The following MYO16 variants were observed in gnomAD, a reference collection of about 807,000 sequenced individuals.
MYO16 encodes the protein unconventional myosin-XVI.
MYO16 carries 94 observed loss-of-function variants against 205.3 expected under a neutral mutation model. The observed-to-expected ratio is 0.46, with a 90% CI of 0.39 to 0.54. The LOEUF is 0.54. Among genes scored for constraint, MYO16 ranks in the 20% least tolerant of loss-of-function variants. The pLI is 0.00. For missense variants in MYO16, 2,315 were observed against 2,387.5 expected, an observed-to-expected ratio of 0.97 and a Z score of 0.63; for synonymous variants, 988 against 954.0, an observed-to-expected ratio of 1.04 and a Z score of -0.66.
In MYO16 at chr13:109,019,868, A is replaced by G. The variant is rs377466914; in HGVS notation, c.2753A>G (p.Lys918Arg). The G allele has an allele frequency of 1.9e-6, 3 of 1,614,060 alleles. No individual in the cohort carries two copies. In the African/African-American group the frequency reaches 4.0e-5, roughly 22 times the overall value. ...GATGGGAATGGGAATGTTGCCCTCA[A>G]AGACCACGGTACAGCCTTCACCATC... ...MKDGNGNVAL[K>R]DHGTAFTIMH... The change falls in exon 23 of 35, where the codon AAA becomes AGA. Residue 918 changes from lysine (K) to arginine (R), a missense_variant. Coordinates refer to ENST00000457511, the MANE Select transcript of MYO16 (RefSeq NM_001198950.3).
At chr13:108,884,403 C>G (rs1879761219) in intron 13 of MYO16, among the ~76,000 whole-genome samples, 1 of 152,176 alleles carries the variant, frequency 6.6e-6, no homozygotes, top group African/African-American at 2.4e-5. Context: ...GGGGCTTCGA[C>G]ACATTCTAAA....
At chr13:108,920,174 A>G (rs909411001) in intron 16 of MYO16, among the ~76,000 whole-genome samples, 3 of 152,308 alleles carry the variant, frequency 2.0e-5, no homozygotes, top group South Asian at 2.1e-4. Flanking sequence ...AAGGACCACG[A>G]CGCAGATGTT....
chr13:108,521,849 G>A, the MYO16 span, among the ~76,000 whole-genome samples: 50,289 of 151,950 alleles, frequency 0.33, 10,220 homozygotes, highest in African/African-American at 0.57. Context: ...TTTTGTATAC[G>A]TTTTATACTT....
intron 1 of MYO16, among the ~76,000 whole-genome samples, chr13:108,655,418 T>C (rs761951268): frequency 3.3e-5 from 5 of 152,106 alleles, no homozygotes; most frequent in African/African-American, 4.8e-5. Flanking sequence ...CCTCCACCTA[T>C]ATTTGAGAAG....
chr13:108,697,335 C>T (rs1883130555), intron 2 of MYO16, among the ~76,000 whole-genome samples: 1 of 152,228 alleles, frequency 6.6e-6, no homozygotes, highest in Admixed American at 6.5e-5. Flanking sequence ...GACAGTGCTT[C>T]TGTTTACCTT....
At chr13:108,595,601 A>G (rs1878526861), upstream of MYO16, among the ~76,000 whole-genome samples, 1 of 152,074 alleles carries the variant, frequency 6.6e-6, no homozygotes, top group African/African-American at 2.4e-5. Context: ...TTGGCTCTCT[A>G]ATCACTAGAC....
intron 9 of MYO16, among the ~76,000 whole-genome samples, chr13:108,825,207 T>C (rs1876187094): frequency 6.6e-6 from 1 of 152,100 alleles, no homozygotes; most frequent in East Asian, 1.9e-4. Context: ...TATGTCTTTG[T>C]GAGATTTATG....
chr13:108,952,261 A>C (rs917412366), intron 16 of MYO16, among the ~76,000 whole-genome samples: 10 of 152,172 alleles, frequency 6.6e-5, no homozygotes, highest in African/African-American at 2.4e-4. Flanking sequence ...GAAATGTAGG[A>C]GGCTTTAGGA....
chr13:109,158,903 G>A (rs577961958), intron 32 of MYO16, among the ~76,000 whole-genome samples: 1 of 152,292 alleles, frequency 6.6e-6, no homozygotes, highest in South Asian at 2.1e-4. Flanking sequence ...AGATAGGGGT[G>A]CATGGAAGCC....
At chr13:108,501,230 G>C in the MYO16 span, among the ~76,000 whole-genome samples, 1 of 152,154 alleles carries the variant, frequency 6.6e-6, no homozygotes, top group African/African-American at 2.4e-5. Context: ...GATTGGGTTG[G>C]TGTTACACGA....
chr13:108,820,199 G>T (rs193163990), intron 7 of MYO16, 138 bp from the exon 8 acceptor site: 7 of 585,434 alleles, frequency 1.2e-5, no homozygotes, highest in Non-Finnish European at 1.8e-5. Context: ...CTGGGAAAGG[G>T]GACAGGAAGG....
chr13:108,753,475 A>C (rs750163982), intron 4 of MYO16, among the ~76,000 whole-genome samples: 5 of 150,634 alleles, frequency 3.3e-5, no homozygotes, highest in African/African-American at 4.9e-5. Flanking sequence ...TTTATGAGTT[A>C]TTTCTTTTTG....
At chr13:108,906,439 GT>G (rs574947700) in intron 15 of MYO16, among the ~76,000 whole-genome samples, 103 of 152,162 alleles carry the variant, frequency 6.8e-4, no homozygotes, top group African/African-American at 2.2e-3. Flanking sequence ...TTTGCTTTGT[GT>G]TTTTTTCCCC....
intron 7 of MYO16, among the ~76,000 whole-genome samples, chr13:108,817,455 C>A (rs532925244): frequency 7.9e-5 from 12 of 152,248 alleles, no homozygotes; most frequent in African/African-American, 2.9e-4. Context: ...TAAGAATAGA[C>A]AAAACTAATC....
intron 27 of MYO16, among the ~76,000 whole-genome samples, chr13:109,060,056 A>G (rs535619266): frequency 6.6e-6 from 1 of 152,318 alleles, no homozygotes; most frequent in Admixed American, 6.5e-5. Flanking sequence ...AATTAGTTCA[A>G]CCATTGTGGA....
Position 109,055,237 on chromosome 13 carries a change from A to C in MYO16, c.3129+111A>C. On this transcript the variant is annotated intron_variant, in intron 26 of 34. Transcript: ENST00000457511. This position sits in a 1 kb window ranked among gnomAD's most constrained non-coding sequence, Gnocchi z 5.0. ...GACAACTTAAATATCTTCACAAAAAAAGTAAACATACACACACACACACAC... is the reference window on the plus strand; with the variant it reads ...GACAACTTAAATATCTTCACAAAAACAGTAAACATACACACACACACACAC... 1.0e-6 allele frequency: 1 copy of C among 985,454 alleles called. No homozygotes were observed. Among genetic ancestry groups the C allele is most frequent in the Non-Finnish European group, 1.4e-6 (1 of 692,074 alleles). The allele number at this position is 985,454 out of a possible 1,614,324, so 61.0% of individuals were successfully genotyped here. A position where few individuals can be genotyped will look rare whatever the true frequency, so the allele number is the denominator to read the frequency against.
intron 2 of MYO16, among the ~76,000 whole-genome samples, chr13:108,689,294 T>C (rs1431445339): frequency 1.3e-5 from 2 of 152,074 alleles, no homozygotes; most frequent in Non-Finnish European, 2.9e-5. Context: ...CAAAGAACCT[T>C]CAAAAATGCA....
chr13:108,852,031 C>T (rs1328551877), intron 10 of MYO16, among the ~76,000 whole-genome samples: 1 of 152,144 alleles, frequency 6.6e-6, no homozygotes, highest in Non-Finnish European at 1.5e-5. Flanking sequence ...CCTTCCCTCT[C>T]CCAGAGACAT....
chr13:108,839,377 A>C (rs760530215), intron 9 of MYO16, among the ~76,000 whole-genome samples: 9 of 152,180 alleles, frequency 5.9e-5, no homozygotes, highest in Non-Finnish European at 7.4e-5. Flanking sequence ...AGATCTGGCT[A>C]TGAAATTTTT....
Sources: gnomAD v4.1 joint callset for allele counts (sites outside exome capture counted in the v4.1 genomes callset) on GRCh38, gnomAD v4.1.1 for gene constraint, Gnocchi (gnomAD v3.1) non-coding constraint, MANE v1.5 for transcripts, NCBI Gene and HGNC (gene_info 2026-07-23, HGNC 2026-07-21) for gene names.